The following TRERF1 variants were observed in gnomAD, a reference collection of about 807,000 sequenced individuals.
The protein encoded by TRERF1 is transcriptional-regulating factor 1.
In TRERF1, 27 loss-of-function variants were observed where a neutral mutation model predicts 122.9. That is an observed-to-expected ratio of 0.22 (90% CI 0.16 to 0.30). TRERF1 has a LOEUF of 0.30. TRERF1 is among the 10% of genes least tolerant of loss of function. The pLI, the probability that TRERF1 is intolerant of heterozygous loss-of-function variation, is 1.00. For synonymous variants in TRERF1, 636 were observed against 641.7 expected, an observed-to-expected ratio of 0.99 and a Z score of 0.13; for missense variants, 1,248 against 1,560.3, an observed-to-expected ratio of 0.80 and a Z score of 3.37.
Position 42,382,417 on chromosome 6 carries a change from T to TAAA in TRERF1, c.-453-19341_-453-19339dup, listed in dbSNP as rs58580368. ...GCAAAATCCTTCTCAAAGACGTGAT[T>TAAA]AAAAAAAAAAAAAAGCTGCCAAGCA... On this transcript the variant is annotated intron_variant, in intron 2 of 17. Transcript: ENST00000372922. Among the ~76,000 whole-genome samples, 1,270 of 133,646 alleles carry TAAA rather than the reference T, an allele frequency of 9.5e-3. 30 individuals are homozygous for TAAA. The highest frequency in any genetic ancestry group is 0.032 in the African/African-American group (1,141 of 36,128). The allele number at this position is 133,646 out of a possible 152,430, so 87.7% of individuals were successfully genotyped here.
intron 2 of TRERF1, among the ~76,000 whole-genome samples, chr6:42,366,049 G>A (rs377207958): frequency 2.6e-5 from 4 of 152,024 alleles, no homozygotes; most frequent in Non-Finnish European, 4.4e-5. Flanking sequence ...CATGCACCCC[G>A]TCAAGGTCCT....
chr6:42,408,210 A>AATAAAT (rs151035028), intron 2 of TRERF1, among the ~76,000 whole-genome samples: 21 of 107,154 alleles, frequency 2.0e-4, no homozygotes, highest in South Asian at 6.5e-4. Context: ...TATATAAATA[A>AATAAAT]ATATATATAT....
Position 42,228,313 on chromosome 6 carries a change from G to A in TRERF1, c.*32C>T, listed in dbSNP as rs760158391. ...TGATTAATGAAGATGGAGGCCGTGG[G>A]TTTTCACTGTCTCTAAGTGACACAC... On this transcript the variant is annotated 3_prime_UTR_variant, in exon 18 of 18. Coordinates refer to ENST00000372922, the Ensembl canonical transcript of TRERF1. The surrounding 1 kb of genome is among the most constrained non-coding windows in gnomAD (Gnocchi z 4.2). The A allele has an allele frequency of 5.2e-6, 8 of 1,552,104 alleles. No individual in the cohort carries two copies. In the East Asian group the frequency reaches 1.8e-4, roughly 35 times the overall value.
chr6:42,237,399 C>T (rs1425591700), intron 15 of TRERF1, among the ~76,000 whole-genome samples: 3 of 152,244 alleles, frequency 2.0e-5, no homozygotes, highest in Admixed American at 1.3e-4. Flanking sequence ...GGGCTGCTGG[C>T]TCCTGCAGGC....
chr6:42,336,273 T>C (rs1360329156), intron 3 of TRERF1, among the ~76,000 whole-genome samples: 1 of 152,132 alleles, frequency 6.6e-6, no homozygotes, highest in African/African-American at 2.4e-5. Context: ...AGAAGCAGGA[T>C]CCAGGAGCAC....
intron 13 of TRERF1, among the ~76,000 whole-genome samples, chr6:42,247,675 G>A (rs933115024): frequency 1.3e-5 from 2 of 152,166 alleles, no homozygotes; most frequent in East Asian, 1.9e-4. Context: ...AAGAAAGCAC[G>A]ATATGCAGAT....
intron 3 of TRERF1, among the ~76,000 whole-genome samples, chr6:42,332,263 C>T (rs970343333): frequency 3.2e-4 from 48 of 152,244 alleles, no homozygotes; most frequent in Non-Finnish European, 6.6e-4. Flanking sequence ...CTAAACCAGC[C>T]ATGACAGCCT....
intron 3 of TRERF1, among the ~76,000 whole-genome samples, chr6:42,311,634 C>T (rs1180929870): frequency 1.3e-5 from 2 of 151,552 alleles, no homozygotes; most frequent in South Asian, 2.1e-4. Flanking sequence ...GGCGTTGTGG[C>T]GGGCGTCTGT....
At chr6:42,234,805 C>A (rs1351961065) in intron 16 of TRERF1, among the ~76,000 whole-genome samples, 2 of 151,872 alleles carry the variant, frequency 1.3e-5, no homozygotes, top group Non-Finnish European at 2.9e-5. Flanking sequence ...AAAATTGGAA[C>A]AGAAAAATAT....
chr6:42,358,820 G>A (rs555067604), intron 3 of TRERF1, among the ~76,000 whole-genome samples: 1 of 146,822 alleles, frequency 6.8e-6, no homozygotes, highest in African/African-American at 2.5e-5. Flanking sequence ...GTGCTTTCTG[G>A]GTCCAGGCAA....
intron 2 of TRERF1, among the ~76,000 whole-genome samples, chr6:42,401,309 C>T (rs1183604340): frequency 6.6e-6 from 1 of 152,180 alleles, no homozygotes; most frequent in Non-Finnish European, 1.5e-5. Flanking sequence ...ACCAAAGGCT[C>T]CCTTCACCAT....
At chr6:42,337,250 T>C (rs2150656977) in intron 3 of TRERF1, among the ~76,000 whole-genome samples, 1 of 152,298 alleles carries the variant, frequency 6.6e-6, no homozygotes, top group South Asian at 2.1e-4. Context: ...ACCAGCTGTG[T>C]GCAGCCCGAG....
At chr6:42,431,710 C>T (rs1031388859) in intron 2 of TRERF1, among the ~76,000 whole-genome samples, 4 of 152,154 alleles carry the variant, frequency 2.6e-5, no homozygotes, top group African/African-American at 9.7e-5. Flanking sequence ...CCTTGTCACT[C>T]AATACACACC....
At chr6:42,264,836 C>T (rs754935786) in exon 7 of TRERF1, 39 of 1,614,054 alleles carry the variant, frequency 2.4e-5, no homozygotes, top group Non-Finnish European at 3.0e-5. Flanking sequence ...GCTCCCCAAA[C>T]GCTCCTTTGG....
chr6:42,233,465 T>C (rs1395073787), intron 16 of TRERF1, among the ~76,000 whole-genome samples: 1 of 151,548 alleles, frequency 6.6e-6, no homozygotes, highest in East Asian at 1.9e-4. Flanking sequence ...TTTTGTAGTT[T>C]TAGTAGAGAC....
exon 18 of TRERF1, chr6:42,227,721 G>A (rs1171084100): frequency 6.6e-6 from 1 of 152,220 alleles, no homozygotes. Context: ...TCCTGTGAAC[G>A]GGCCAAAGGA....
chr6:42,261,861 C>T (rs1777934567), intron 8 of TRERF1, among the ~76,000 whole-genome samples: 1 of 152,292 alleles, frequency 6.6e-6, no homozygotes, highest in African/African-American at 2.4e-5. Flanking sequence ...ATCTCCTGAG[C>T]AAACTCCCTT....
At chr6:42,336,221 A>G (rs140728281) in intron 3 of TRERF1, among the ~76,000 whole-genome samples, 2 of 152,320 alleles carry the variant, frequency 1.3e-5, no homozygotes, top group African/African-American at 4.8e-5. Flanking sequence ...GGATGAATGA[A>G]TGGAAGAACA....
At chr6:42,387,794 TTTTTA>T (rs539342079) in intron 2 of TRERF1, among the ~76,000 whole-genome samples, 13 of 151,170 alleles carry the variant, frequency 8.6e-5, no homozygotes, top group Admixed American at 2.6e-4. Flanking sequence ...GATGCTACCT[TTTTTA>T]TTTTATTTTA....
Sources: gnomAD v4.1 joint callset for allele counts (sites outside exome capture counted in the v4.1 genomes callset) on GRCh38, gnomAD v4.1.1 for gene constraint, Gnocchi (gnomAD v3.1) non-coding constraint, MANE v1.5 for transcripts, NCBI Gene and HGNC (gene_info 2026-07-23, HGNC 2026-07-21) for gene names.